The following PPFIA4 variants were observed in gnomAD, a reference collection of about 807,000 sequenced individuals.
PPFIA4 encodes liprin-alpha-4.
PPFIA4 carries 98 observed loss-of-function variants against 145.7 expected under a neutral mutation model. The ratio of observed to expected loss-of-function variants is 0.67; its 90% CI spans 0.57 to 0.80. The LOEUF (loss-of-function observed/expected upper bound fraction) is 0.80, where lower values mean the gene tolerates loss of function less well. PPFIA4 is among the 30% of genes least tolerant of loss of function. The pLI, the probability that PPFIA4 is intolerant of heterozygous loss-of-function variation, is 0.00. For synonymous variants in PPFIA4, 628 were observed against 649.6 expected, an observed-to-expected ratio of 0.97 and a Z score of 0.51; for missense variants, 1,457 against 1,632.7, an observed-to-expected ratio of 0.89 and a Z score of 1.85.
intron 12 of PPFIA4, 37 bp from the exon 13 acceptor site, chr1:203,049,639 C>T (rs764041893): frequency 6.9e-7 from 1 of 1,438,910 alleles, no homozygotes; most frequent in Admixed American, 2.4e-5. Flanking sequence ...CCTCCCTGGC[C>T]CCCACTCCCG....
chr1:203,041,677 C>T (rs1659702356), intron 2 of PPFIA4, among the ~76,000 whole-genome samples: 1 of 152,046 alleles, frequency 6.6e-6, no homozygotes, highest in African/African-American at 2.4e-5. Flanking sequence ...GGACAGGTAT[C>T]CTGTGGTGGG....
chr1:203,051,579 TG>T, intron 13 of PPFIA4, 189 bp from the exon 14 acceptor site: 1 of 1,103,368 alleles, frequency 9.1e-7, no homozygotes, highest in Non-Finnish European at 1.2e-6. Context: ...TTCTGACCCC[TG>T]GAGCACCAGG....
In PPFIA4 at chr1:203,059,223, C is replaced by T. The variant is rs1425948946; in HGVS notation, c.2453C>T (p.Pro818Leu). The change falls in exon 20 of 30, where the codon CCT (proline) becomes CTT (leucine). Residue 818 changes from proline (P) to leucine (L), a missense_variant. Pro to Leu is a moderately conservative substitution (Grantham distance 98). Transcript: ENST00000295706. ...SEFSMQEPMVPAKLGTQAEKD... is the reference protein window; with the variant it reads ...SEFSMQEPMVLAKLGTQAEKD... ...TTCAGTATGCAGGAGCCTATGGTGC[C>T]TGCCAAGCTGGGGACCCAGGCAGAG... is the stretch of plus-strand genomic sequence containing the variant. 6.4e-7 allele frequency: 1 copy of T among 1,557,792 alleles called. No homozygotes were observed.
At position 203,045,349 on chromosome 1, in the gene PPFIA4, A is replaced by C. The variant is rs771272283; in HGVS notation, c.667-19A>C. 5 of 1,554,488 alleles carry C rather than the reference A, an allele frequency of 3.2e-6. No homozygotes were observed. In the South Asian group the frequency reaches 6.2e-5, roughly 19 times the overall value. ...GGATGCTGCTGTGACTCACAGAGCT[A>C]CTGTCCCTATCCCTGGAGGAGGATA... On this transcript the variant is annotated intron_variant, in intron 6 of 29. Transcript: ENST00000295706.
rs55879105 is a variant in PPFIA4, at chr1:203,057,284, G to A, written c.2407+334G>A. On this transcript the variant is annotated intron_variant, in intron 19 of 29. Coordinates refer to ENST00000295706, the MANE Select transcript of PPFIA4 (RefSeq NM_001304331.2). ...GGAGATTTTCTGAGGTACTGTGCTCGGGACCTTCAGGAGAAATCTCTTGGT... is the reference window on the plus strand; with the variant it reads ...GGAGATTTTCTGAGGTACTGTGCTCAGGACCTTCAGGAGAAATCTCTTGGT... Among the ~76,000 whole-genome samples, 986 of 152,308 alleles carry A rather than the reference G, an allele frequency of 6.5e-3. 7 individuals are homozygous for A. The highest frequency in any genetic ancestry group is 9.3e-3 in the South Asian group (45 of 4,822).
At position 203,038,881 on chromosome 1, in the gene PPFIA4, C is replaced by T. The variant is rs1024903409; in HGVS notation, c.-128C>T. 1.6e-6 allele frequency: 1 copy of T among 608,428 alleles called. No individual in the cohort carries two copies. Among genetic ancestry groups the T allele is most frequent in the East Asian group, 2.8e-5 (1 of 35,486 alleles). The allele number at this position is 608,428 out of a possible 1,614,324, so 37.7% of individuals were successfully genotyped here. Reference sequence around the variant, plus strand: ...AGCAACTGATGCTATGGGAGAAGCCCCTGCCCACCTGTCCACTCGCCTGGC... The same window carrying T: ...AGCAACTGATGCTATGGGAGAAGCCTCTGCCCACCTGTCCACTCGCCTGGC... On this transcript the variant is annotated 5_prime_UTR_variant, in exon 2 of 30. Transcript: ENST00000295706.
At chr1:203,035,005 A>C (rs1659124340) in intron 1 of PPFIA4, among the ~76,000 whole-genome samples, 1 of 152,252 alleles carries the variant, frequency 6.6e-6, no homozygotes, top group South Asian at 2.1e-4. Flanking sequence ...ATGAGGATTA[A>C]AATAAATTAA....
Position 203,059,235 on chromosome 1 carries a change from G to A in PPFIA4, c.2465G>A (p.Gly822Glu). ...GAGCCTATGGTGCCTGCCAAGCTGG[G>A]GACCCAGGCAGAGAAGGACCGGCGG... ...MQEPMVPAKLGTQAEKDRRLK... is the reference protein window; with the variant it reads ...MQEPMVPAKLETQAEKDRRLK... The change falls in exon 20 of 30, where the codon GGG becomes GAG. Residue 822 changes from glycine (G) to glutamate (E), a missense_variant. By Grantham distance (98) the Gly-to-Glu change is moderately conservative. Around this residue, in one of 3 missense-constraint regions of PPFIA4, gnomAD observed 848 missense variants for 1,046.7 expected, o/e 0.81. Transcript: ENST00000295706. 3 of 1,556,844 alleles carry A rather than the reference G, an allele frequency of 1.9e-6. No individual in the cohort carries two copies. Among genetic ancestry groups the A allele is most frequent in the Non-Finnish European group, 1.7e-6 (2 of 1,143,074 alleles).
At chr1:203,030,045 T>C (rs1205913814) in intron 1 of PPFIA4, among the ~76,000 whole-genome samples, 1 of 152,192 alleles carries the variant, frequency 6.6e-6, no homozygotes, top group Non-Finnish European at 1.5e-5. Flanking sequence ...TGATGTGCCT[T>C]CATGGCCACT....
In PPFIA4 at chr1:203,055,331, C is replaced by T. The variant is rs371127368; in HGVS notation, c.1830-101C>T. 1.7e-5 allele frequency: 26 copies of T among 1,488,906 alleles called. No individual in the cohort carries two copies. The African/African-American group carries it at 2.2e-4, about 13-fold the overall frequency. The allele number at this position is 1,488,906 out of a possible 1,614,324, so 92.2% of individuals were successfully genotyped here. ...CAGACAAAGCCTGGCGGGTGTACAC[C>T]GCATGTGGTCCTTGGTGGCGAGTGC... On this transcript the variant is annotated intron_variant, in intron 15 of 29. Coordinates refer to ENST00000295706, the MANE Select transcript of PPFIA4 (RefSeq NM_001304331.2). This position sits in a 1 kb window ranked among gnomAD's most constrained non-coding sequence, Gnocchi z 4.8.
chr1:203,039,378 C>G (rs1362687601), intron 2 of PPFIA4, 136 bp downstream of exon 2: 1 of 660,062 alleles, frequency 1.5e-6, no homozygotes. Context: ...TCTCCTTCAT[C>G]TCTCTACGTG....
rs1031555654 is a variant in PPFIA4 at position 203,044,824 on chromosome 1, C to T, written c.666+39C>T. 1.1e-5 allele frequency: 17 copies of T among 1,534,834 alleles called. No homozygotes were observed. The African/African-American group carries it at 1.4e-4, about 12-fold the overall frequency. ...AGCTGTGTAGCAGGGGTCATGTGTT[C>T]CCCAAGGTGGGAGGTTGGAGGCCCG... On this transcript the variant is annotated intron_variant, in intron 6 of 29. Coordinates refer to ENST00000295706, the MANE Select transcript of PPFIA4 (RefSeq NM_001304331.2).
chr1:203,050,363 G>A (rs1224683421), intron 13 of PPFIA4, among the ~76,000 whole-genome samples: 5 of 152,190 alleles, frequency 3.3e-5, no homozygotes, highest in Non-Finnish European at 7.3e-5. Context: ...CCCACATTTT[G>A]TGGAGCGATG....
chr1:203,043,975 G>A lies in PPFIA4; in HGVS notation c.381G>A (p.Arg127=). 2 of 1,611,840 alleles carry A rather than the reference G, an allele frequency of 1.2e-6. No homozygotes were observed. ...HLECLVSRHE[R]SLRMTVVKRQ... ...AGTGCCTGGTGTCCCGCCATGAACGGTCACTGCGGATGACTGTGGTGAAGC... is the reference window on the plus strand; with the variant it reads ...AGTGCCTGGTGTCCCGCCATGAACGATCACTGCGGATGACTGTGGTGAAGC... The change falls in exon 4 of 30, where the codon CGG becomes CGA. Residue 127 remains arginine, a synonymous_variant. Transcript: ENST00000295706. The surrounding 1 kb of genome is among the most constrained non-coding windows in gnomAD (Gnocchi z 4.4).
chr1:203,076,401 C>G lies in PPFIA4; in HGVS notation c.*11C>G. 6.2e-7 allele frequency: 1 copy of G among 1,608,132 alleles called. No homozygotes were observed. Among genetic ancestry groups the G allele is most frequent in the Non-Finnish European group, 8.5e-7 (1 of 1,179,382 alleles). ...GCCTTCCGGGACTAGCCATGGCCCC[C>G]AGGGCTGGCTTCCTCCTTCTGGGTT... is the stretch of plus-strand genomic sequence containing the variant. On this transcript the variant is annotated 3_prime_UTR_variant, in exon 30 of 30. Coordinates refer to ENST00000295706, the MANE Select transcript of PPFIA4 (RefSeq NM_001304331.2).
intron 2 of PPFIA4, among the ~76,000 whole-genome samples, chr1:203,042,442 G>A (rs1177373915): frequency 6.6e-6 from 1 of 152,164 alleles, no homozygotes; most frequent in Non-Finnish European, 1.5e-5. Flanking sequence ...TTGCTTGGTT[G>A]AGCAGGGCTC....
chr1:203,036,974 G>A (rs190907637), intron 1 of PPFIA4, among the ~76,000 whole-genome samples: 2 of 152,330 alleles, frequency 1.3e-5, no homozygotes, highest in African/African-American at 4.8e-5. Context: ...GGCCACATGT[G>A]TATCTGTTCT....
In PPFIA4 at chr1:203,062,510, A is replaced by G. The variant is rs1448695779; in HGVS notation, c.2874+832A>G. The stretch of plus-strand genomic sequence containing the variant: ...AAAAAAAAAAAAAAAAAAAAAAGAT[A>G]GTCTCAATAAGTAAACAAATAAAGG... On this transcript the variant is annotated intron_variant, in intron 24 of 29. Coordinates refer to ENST00000295706, the MANE Select transcript of PPFIA4 (RefSeq NM_001304331.2). Among the ~76,000 whole-genome samples, 13 of 144,026 alleles carry G rather than the reference A, an allele frequency of 9.0e-5. 1 individual carries two copies. Among genetic ancestry groups the G allele is most frequent in the Admixed American group, 6.2e-4 (9 of 14,472 alleles). The allele number at this position is 144,026 out of a possible 152,430, so 94.5% of individuals were successfully genotyped here.
intron 2 of PPFIA4, among the ~76,000 whole-genome samples, chr1:203,041,258 A>G (rs1475158685): frequency 6.6e-6 from 1 of 152,216 alleles, no homozygotes; most frequent in Non-Finnish European, 1.5e-5. Context: ...GGTGATATGG[A>G]AATGACATGA....
Sources: gnomAD v4.1 joint callset for allele counts (sites outside exome capture counted in the v4.1 genomes callset) on GRCh38, gnomAD v4.1.1 for gene constraint, gnomAD v4.1.1 regional missense constraint, Gnocchi (gnomAD v3.1) non-coding constraint, MANE v1.5 for transcripts, NCBI Gene and HGNC (gene_info 2026-07-23, HGNC 2026-07-21) for gene names.